CSNK2A1: variants seen among roughly 807,000 people sequenced by gnomAD.
CSNK2A1 encodes the protein casein kinase 2 alpha 1.
Under a neutral mutation model 62.9 loss-of-function variants are expected in CSNK2A1, and 10 were observed. That is an observed-to-expected ratio of 0.16 (90% CI 0.10 to 0.27). The LOEUF is 0.27. Ranked by LOEUF, CSNK2A1 falls within the 10% of genes least tolerant of loss-of-function variation. The pLI, the probability that CSNK2A1 is intolerant of heterozygous loss-of-function variation, is 1.00. For missense variants in CSNK2A1, 160 were observed against 492.0 expected (o/e 0.33, Z 6.38); for synonymous variants, 124 against 167.8 (o/e 0.74, Z 2.02).
At chr20:532,863 C>CA (rs1483274150) in intron 1 of CSNK2A1, among the ~76,000 whole-genome samples, 3 of 151,996 alleles carry the variant, frequency 2.0e-5, no homozygotes, top group Non-Finnish European at 4.4e-5. Context: ...GTCACTGACA[C>CA]AAAAAAACAA....
intron 2 of CSNK2A1, chr20:526,989 G>GAA (rs2019105912): frequency 9.8e-6 from 1 of 101,854 alleles, no homozygotes; most frequent in Non-Finnish European, 1.9e-5. Context: ...GAGAGAAAGA[G>GAA]AGAGAGACAG....
chr20:488,901 A>G (rs1418113363), intron 10 of CSNK2A1, 123 bp from the exon 11 acceptor site: 4 of 831,028 alleles, frequency 4.8e-6, no homozygotes, highest in Admixed American at 2.7e-5. Context: ...GCTACCTCCT[A>G]ACAGTTTAGA....
At chr20:510,560 C>A (rs747083710) in intron 2 of CSNK2A1, among the ~76,000 whole-genome samples, 6 of 152,030 alleles carry the variant, frequency 3.9e-5, no homozygotes, top group Non-Finnish European at 8.8e-5. Context: ...TAAAATGATT[C>A]AGGAAAAAAA....
intron 3 of CSNK2A1, among the ~76,000 whole-genome samples, chr20:505,526 A>G (rs1449950123): frequency 6.6e-6 from 1 of 151,394 alleles, no homozygotes; most frequent in East Asian, 1.9e-4. Context: ...TGCCCGGCTA[A>G]TTTTTTGAAT....
At chr20:500,201 T>C (rs894619611) in intron 4 of CSNK2A1, 23 of 392,198 alleles carry the variant, frequency 5.9e-5, no homozygotes, top group African/African-American at 4.2e-4. Context: ...ATCATCAGTC[T>C]TGATGTTAAT....
rs1374910191 is a variant in CSNK2A1 at position 481,103 on chromosome 20, GAC to G, written c.*2856_*2857del. ...AGAAGCATATTGCTCAGGCTGCAGG[GAC>G]ATTTCATTTATTTAAATGTTTTTAT... On this transcript the variant is annotated 3_prime_UTR_variant, in exon 14 of 14. Transcript: ENST00000217244. 2 of 152,152 alleles carry G rather than the reference GAC, an allele frequency of 1.3e-5. No homozygotes were observed. The highest frequency in any genetic ancestry group is 2.9e-5 in the Non-Finnish European group (2 of 68,028). The allele number at this position is 152,152 out of a possible 1,614,324, so 9.4% of individuals were successfully genotyped here. A position where few individuals can be genotyped will look rare whatever the true frequency, so the allele number is the denominator to read the frequency against.
chr20:497,854 T>C lies in CSNK2A1; in HGVS notation c.367-74A>G. ...ATTTTTCACCCTCACTCACAGTAAT[T>C]CAAACCAAGACTTGGCTCATTTACC... On this transcript the variant is annotated intron_variant, in intron 6 of 13. Transcript: ENST00000217244. 2.2e-6 allele frequency: 3 copies of C among 1,361,356 alleles called. No homozygotes were observed. In the South Asian group the frequency reaches 3.6e-5, roughly 16 times the overall value. 84.3% of individuals were successfully genotyped at this position (1,361,356 alleles called of 1,614,324 possible). A position where few individuals can be genotyped will look rare whatever the true frequency, so the allele number is the denominator to read the frequency against.
At chr20:529,362 G>A (rs2019165184) in intron 1 of CSNK2A1, among the ~76,000 whole-genome samples, 1 of 152,118 alleles carries the variant, frequency 6.6e-6, no homozygotes, top group Non-Finnish European at 1.5e-5. Flanking sequence ...GTAATGTGAT[G>A]AAATCTTGCA....
intron 1 of CSNK2A1, among the ~76,000 whole-genome samples, chr20:532,874 AAAC>A (rs768026800): frequency 1.3e-5 from 2 of 152,230 alleles, no homozygotes; most frequent in East Asian, 1.9e-4. Context: ...AAAAAAACAA[AAAC>A]AACAAAGACA....
At chr20:485,565 C>T (rs115728616) in intron 13 of CSNK2A1, among the ~76,000 whole-genome samples, 157 of 152,298 alleles carry the variant, frequency 1.0e-3, no homozygotes, top group African/African-American at 3.6e-3. Context: ...CTACTGGCTG[C>T]ACCACATTCC....
chr20:505,423 G>A (rs1198348772), intron 3 of CSNK2A1, among the ~76,000 whole-genome samples, 194 bp from the exon 4 acceptor site: 5 of 141,842 alleles, frequency 3.5e-5, no homozygotes, highest in Admixed American at 1.5e-4. Context: ...GCAGTGGCGC[G>A]ATCTCTGCTG....
intron 1 of CSNK2A1, among the ~76,000 whole-genome samples, chr20:540,637 C>A (rs977171949): frequency 4.6e-5 from 7 of 152,118 alleles, no homozygotes; most frequent in African/African-American, 1.7e-4. Context: ...TGGGCTCAAG[C>A]GATCCTCCTG....
chr20:525,122 A>C (rs2019051503), intron 2 of CSNK2A1, among the ~76,000 whole-genome samples: 1 of 152,156 alleles, frequency 6.6e-6, no homozygotes, highest in South Asian at 2.1e-4. Flanking sequence ...ATCAATCAAT[A>C]AATTTTAAAT....
At chr20:490,800 G>C (rs752774298) in intron 9 of CSNK2A1, among the ~76,000 whole-genome samples, 8 of 149,042 alleles carry the variant, frequency 5.4e-5, no homozygotes, top group Non-Finnish European at 8.9e-5. Context: ...CCAACTCCTG[G>C]GCTTAGGCCT....
intron 13 of CSNK2A1, among the ~76,000 whole-genome samples, chr20:485,101 A>AT (rs2018057838): frequency 9.4e-5 from 3 of 31,864 alleles, no homozygotes; most frequent in African/African-American, 3.1e-4. Flanking sequence ...AAAAAAAAAA[A>AT]AAAAAAAAAT....
At position 484,074 on chromosome 20, in the gene CSNK2A1, T is replaced by C. The variant is rs749117983; in HGVS notation, c.1063A>G (p.Ile355Val). 3 of 1,589,290 alleles carry C rather than the reference T, an allele frequency of 1.9e-6. No homozygotes were observed. Among genetic ancestry groups the C allele is most frequent in the South Asian group, 2.3e-5 (2 of 87,340 alleles). The part of the protein sequence containing the change: ...PVSSANMMSG[I>V]SSVPTPSPLG... ...GGTGAAGGGGTTGGCACTGAAGAAATCCCTGAAAGAAAAGAGCTGTCAGTG... is the reference window on the plus strand; with the variant it reads ...GGTGAAGGGGTTGGCACTGAAGAAACCCCTGAAAGAAAAGAGCTGTCAGTG... The change falls in exon 14 of 14, where the codon ATT (isoleucine) becomes GTT (valine). Residue 355 changes from isoleucine to valine, a missense_variant and splice_region_variant. Transcript: ENST00000217244.
intron 2 of CSNK2A1, among the ~76,000 whole-genome samples, chr20:516,807 A>G (rs2018837110): frequency 6.6e-6 from 1 of 152,204 alleles, no homozygotes. Flanking sequence ...GAACTGTAAT[A>G]TAATTAGTTC....
intron 2 of CSNK2A1, among the ~76,000 whole-genome samples, chr20:510,515 T>C (rs2122577003): frequency 6.6e-6 from 1 of 152,100 alleles, no homozygotes; most frequent in South Asian, 2.1e-4. Flanking sequence ...CTGAAGTAAT[T>C]AGAAGTAAAC....
In CSNK2A1 at chr20:483,961, T is replaced by C; in HGVS notation, c.1176A>G (p.Ter392=). ...PVPAAAGAQQ[*] is the part of the protein sequence containing the mutation. The stretch of plus-strand genomic sequence containing the variant: ...AGGCATCAGGAGACAGATAGGGCCG[T>C]TACTGCTGAGCGCCAGCGGCAGCTG... Residue 392 remains the stop codon, a stop_retained_variant, in exon 14 of 14, where the codon TAA becomes TAG. Transcript: ENST00000217244. 2 of 1,611,500 alleles carry C rather than the reference T, an allele frequency of 1.2e-6. No homozygotes were observed. The highest frequency in any genetic ancestry group is 1.7e-6 in the Non-Finnish European group (2 of 1,178,982).
Sources: gnomAD v4.1 joint callset for allele counts (sites outside exome capture counted in the v4.1 genomes callset) on GRCh38, gnomAD v4.1.1 for gene constraint, MANE v1.5 for transcripts, NCBI Gene and HGNC (gene_info 2026-07-23, HGNC 2026-07-21) for gene names.